TMEM181: variants seen among roughly 807,000 people sequenced by gnomAD.
TMEM181 encodes transmembrane protein 181, also known as G protein-coupled receptor 178.
A neutral mutation model predicts 71.9 loss-of-function variants in TMEM181; 39 were observed. That is an observed-to-expected ratio of 0.54 (90% CI 0.42 to 0.71). The LOEUF (loss-of-function observed/expected upper bound fraction) is 0.71. TMEM181 is among the 30% of genes least tolerant of loss of function. The pLI is 0.00. For missense variants in TMEM181, 595 were observed against 583.0 expected, an observed-to-expected ratio of 1.02 and a Z score of -0.21; for synonymous variants, 245 against 228.8, an observed-to-expected ratio of 1.07 and a Z score of -0.64.
Position 158,560,116 on chromosome 6 carries a change from C to T in TMEM181, c.-109C>T. On this transcript the variant is annotated 5_prime_UTR_variant, in exon 1 of 17. Coordinates refer to ENST00000684151, the MANE Select transcript of TMEM181 (RefSeq NM_001376852.1). ...GAGTTTTCCGCGGCCGGCCGCTGCT[C>T]AGCCGCTGTCGCTCCGGCTCCGGCT... is the stretch of plus-strand genomic sequence containing the variant. The T allele has an allele frequency of 2.0e-6, 2 of 984,978 alleles. No homozygotes were observed. The allele number at this position is 984,978 out of a possible 1,614,324, so 61.0% of individuals were successfully genotyped here.
rs1424331647 is a variant in TMEM181 at position 158,625,686 on chromosome 6, GTT to G, written c.1058-15_1058-14del. 1.3e-6 allele frequency: 2 copies of G among 1,599,160 alleles called. No individual in the cohort carries two copies. The highest frequency in any genetic ancestry group is 2.7e-5 in the African/African-American group (2 of 73,804). On this transcript the variant is annotated splice_polypyrimidine_tract_variant and intron_variant, in intron 12 of 16. Transcript: ENST00000684151. Reference sequence around the variant, plus strand: ...AATTTACTTCCAGAGTTGTTAATGAGTTTCTTTCTTTTTCAGATCTCAGGTTG... The same window carrying G: ...AATTTACTTCCAGAGTTGTTAATGAGTCTTTCTTTTTCAGATCTCAGGTTG...
At chr6:158,619,380 A>G (rs891538257) in intron 10 of TMEM181, among the ~76,000 whole-genome samples, 8 of 152,162 alleles carry the variant, frequency 5.3e-5, no homozygotes, top group Non-Finnish European at 7.3e-5. Flanking sequence ...TGTTTATTCT[A>G]GTTAGCCATT....
intron 1 of TMEM181, among the ~76,000 whole-genome samples, chr6:158,540,876 A>C (rs1781314904): frequency 6.6e-6 from 1 of 152,086 alleles, no homozygotes; most frequent in South Asian, 2.1e-4. Flanking sequence ...CCTCTCCCGC[A>C]GCCTCCCAGG....
chr6:158,589,581 A>T (rs1007430741), intron 5 of TMEM181, 91 bp from the exon 6 acceptor site: 1 of 919,534 alleles, frequency 1.1e-6, no homozygotes, highest in African/African-American at 1.6e-5. Flanking sequence ...AGTTCTGCCC[A>T]TCTGCTGTTG....
intron 1 of TMEM181, among the ~76,000 whole-genome samples, chr6:158,548,396 G>A (rs76896196): frequency 4.1e-4 from 63 of 152,230 alleles, no homozygotes; most frequent in Middle Eastern, 3.4e-3. Context: ...AATCTTGCCC[G>A]GTAACTCATA....
chr6:158,619,283 A>G (rs1192902165), intron 10 of TMEM181, among the ~76,000 whole-genome samples: 2 of 152,218 alleles, frequency 1.3e-5, no homozygotes, highest in East Asian at 3.9e-4. Flanking sequence ...ACTTGATCGA[A>G]TCGGCTACTG....
Position 158,595,944 on chromosome 6 carries a change from C to T in TMEM181, c.492+6162C>T, listed in dbSNP as rs145072365. ...TTATTTATTTTTATTTTTTTTGAGA[C>T]GGAGTCTTGCTCTGTCACCCTGGCT... On this transcript the variant is annotated intron_variant, in intron 6 of 16. Coordinates refer to ENST00000684151, the MANE Select transcript of TMEM181 (RefSeq NM_001376852.1). 6.6e-3 allele frequency among the ~76,000 whole-genome samples: 1,003 copies of T among 152,040 alleles called. 14 individuals are homozygous for T. Among genetic ancestry groups the T allele is most frequent in the African/African-American group, 0.022 (919 of 41,462 alleles).
In TMEM181 at chr6:158,629,797, T is replaced by C. The variant is rs1032381758; in HGVS notation, c.1260T>C (p.Ser420=). Residue 420 remains serine (S), a synonymous_variant, in exon 15 of 17, where the codon TCT becomes TCC. Coordinates refer to ENST00000684151, the MANE Select transcript of TMEM181 (RefSeq NM_001376852.1). ...FYLYTLAFVY[S]PSKNALYESQ... is the part of the protein sequence containing the mutation. ...TCTACACCTTGGCCTTTGTATATTC[T>C]CCATCGAAGAATGCCCTCTATGGTA... The C allele has an allele frequency of 6.2e-7, 1 of 1,613,998 alleles. No homozygotes were observed.
intron 2 of TMEM181, among the ~76,000 whole-genome samples, chr6:158,579,676 G>A (rs1304397635): frequency 6.6e-6 from 1 of 152,104 alleles, no homozygotes; most frequent in Non-Finnish European, 1.5e-5. Flanking sequence ...CCGAGATCCT[G>A]CCATTGCAGT....
chr6:158,593,912 C>T (rs1216605786), intron 6 of TMEM181, among the ~76,000 whole-genome samples: 2 of 151,948 alleles, frequency 1.3e-5, no homozygotes, highest in Non-Finnish European at 2.9e-5. Flanking sequence ...ATTGACACAC[C>T]ACCCAGAGCC....
At chr6:158,597,645 G>A (rs1784453028) in intron 6 of TMEM181, among the ~76,000 whole-genome samples, 1 of 152,060 alleles carries the variant, frequency 6.6e-6, no homozygotes, top group African/African-American at 2.4e-5. Flanking sequence ...GAACCAGACA[G>A]GCACACACCA....
chr6:158,549,858 T>C (rs56120980), intron 1 of TMEM181, among the ~76,000 whole-genome samples: 38,970 of 151,872 alleles, frequency 0.26, 5,116 homozygotes, highest in Middle Eastern at 0.29. Context: ...TTGTGGTTTT[T>C]GTAGAGTCTT....
intron 5 of TMEM181, among the ~76,000 whole-genome samples, chr6:158,587,817 C>T (rs1783861769): frequency 6.6e-6 from 1 of 151,982 alleles, no homozygotes. Context: ...TTTTTAAACT[C>T]GTAAGTATAT....
intron 2 of TMEM181, among the ~76,000 whole-genome samples, chr6:158,577,708 C>T (rs964439663): frequency 6.6e-6 from 1 of 152,130 alleles, no homozygotes; most frequent in Admixed American, 6.5e-5. Flanking sequence ...TCATCACATA[C>T]AAGGGATCCT....
intron 16 of TMEM181, 119 bp downstream of exon 16, chr6:158,631,508 AGT>A (rs1786663696): frequency 9.0e-7 from 1 of 1,116,496 alleles, no homozygotes; most frequent in African/African-American, 1.5e-5. Context: ...TTTACCTTGG[AGT>A]GTCAAGTGGC....
At chr6:158,572,478 TCTC>T (rs911707124) in intron 1 of TMEM181, 5 of 456,344 alleles carry the variant, frequency 1.1e-5, no homozygotes, top group African/African-American at 4.0e-5. Flanking sequence ...GGTCTGTGGG[TCTC>T]CTCCTCAGGG....
rs760837023 is a variant in TMEM181, at chr6:158,632,249, G to A, written c.*361G>A. On this transcript the variant is annotated 3_prime_UTR_variant, in exon 17 of 17. Transcript: ENST00000684151. ...CTGATTCCAAGTTCACGGGCAGCCT[G>A]TGACTAGGTCCTCAGCGTGACAGCA... 106 of 248,276 alleles carry A rather than the reference G, an allele frequency of 4.3e-4. 1 individual carries two copies. Among genetic ancestry groups the A allele is most frequent in the Non-Finnish European group, 7.6e-4 (94 of 123,490 alleles). The allele number at this position is 248,276 out of a possible 1,614,324, so 15.4% of individuals were successfully genotyped here.
At chr6:158,594,401 G>A (rs371685189) in intron 6 of TMEM181, among the ~76,000 whole-genome samples, 11 of 152,000 alleles carry the variant, frequency 7.2e-5, no homozygotes, top group African/African-American at 2.4e-4. Flanking sequence ...GCCAGGCCAT[G>A]GTTTTGCTTT....
At chr6:158,572,154 C>T (rs1344798920) in intron 1 of TMEM181, among the ~76,000 whole-genome samples, 1 of 152,250 alleles carries the variant, frequency 6.6e-6, no homozygotes, top group Admixed American at 6.5e-5. Flanking sequence ...GAGGTGTTGA[C>T]TCACGGCCTC....
Sources: allele counts gnomAD v4.1 joint callset (sites outside exome capture counted in the v4.1 genomes callset), GRCh38; gene constraint gnomAD v4.1.1; transcripts MANE v1.5; gene names NCBI Gene and HGNC (gene_info 2026-07-23, HGNC 2026-07-21).